PTPRD: variants seen among roughly 807,000 people sequenced by gnomAD.
The protein encoded by PTPRD is receptor-type tyrosine-protein phosphatase delta.
A neutral mutation model predicts 214.5 loss-of-function variants in PTPRD; 34 were observed. The ratio of observed to expected loss-of-function variants is 0.16; its 90% CI spans 0.12 to 0.21. PTPRD has a LOEUF of 0.21. PTPRD is among the 10% of genes least tolerant of loss of function. PTPRD has a pLI of 1.00. For synonymous variants in PTPRD, 1,128 were observed against 845.7 expected, an observed-to-expected ratio of 1.33 and a Z score of -5.79; for missense variants, 2,545 against 2,398.7, an observed-to-expected ratio of 1.06 and a Z score of -1.27.
chr9:8,358,333 T>A (rs570628457), intron 39 of PTPRD, among the ~76,000 whole-genome samples: 1 of 152,302 alleles, frequency 6.6e-6, no homozygotes, highest in Non-Finnish European at 1.5e-5. Flanking sequence ...TAAACATAAT[T>A]TAAAGTCCTG....
rs138354910 is a variant in PTPRD at position 8,837,882 on chromosome 9, AAGAAG to A, written c.-103-103941_-103-103937del. On this transcript the variant is annotated intron_variant, in intron 11 of 45. Coordinates refer to ENST00000381196, the MANE Select transcript of PTPRD (RefSeq NM_002839.4). ...TTTGTTTGCCTGTTTTATAAGAGAA[AAGAAG>A]AGATTTCCCAGTATAATAAAAGTTG... Among the ~76,000 whole-genome samples the A allele has an allele frequency of 9.8e-3, 1,485 of 152,306 alleles. 25 individuals carry two copies. The highest frequency in any genetic ancestry group is 0.034 in the African/African-American group (1,431 of 41,570).
chr9:8,986,446 T>C (rs2099345570), intron 11 of PTPRD, among the ~76,000 whole-genome samples: 1 of 151,850 alleles, frequency 6.6e-6, no homozygotes, highest in Non-Finnish European at 1.5e-5. Context: ...AATATATATA[T>C]TATATGCATA....
intron 4 of PTPRD, among the ~76,000 whole-genome samples, chr9:10,011,692 C>T (rs553533212): frequency 1.3e-5 from 2 of 152,052 alleles, no homozygotes; most frequent in South Asian, 4.1e-4. Context: ...GAACTCTGGA[C>T]ATTTGTGGAT....
At chr9:8,505,352 G>A (rs1464725815) in intron 22 of PTPRD, among the ~76,000 whole-genome samples, 1 of 152,114 alleles carries the variant, frequency 6.6e-6, no homozygotes, top group Non-Finnish European at 1.5e-5. Flanking sequence ...GCCGGGCACG[G>A]TGGCTCACGC....
At chr9:9,039,986 T>C (rs933723163) in intron 10 of PTPRD, among the ~76,000 whole-genome samples, 1 of 151,864 alleles carries the variant, frequency 6.6e-6, no homozygotes, top group Non-Finnish European at 1.5e-5. Context: ...TGTGCATTTT[T>C]TTTTTTCTGG....
Position 8,315,582 on chromosome 9 carries a change from G to T in PTPRD, c.*2292C>A. On this transcript the variant is annotated 3_prime_UTR_variant, in exon 46 of 46. Coordinates refer to ENST00000381196, the MANE Select transcript of PTPRD (RefSeq NM_002839.4). ...CACATTCTTCTCTGGTTCTGATGTA[G>T]GTTAGAGAGTCTCATTCTGAGGTAG... 4.3e-6 allele frequency: 1 copy of T among 230,658 alleles called. No individual in the cohort carries two copies. Among genetic ancestry groups the T allele is most frequent in the South Asian group, 1.8e-4 (1 of 5,486 alleles). The allele number at this position is 230,658 out of a possible 1,614,324, so 14.3% of individuals were successfully genotyped here. A position where few individuals can be genotyped will look rare whatever the true frequency, so the allele number is the denominator to read the frequency against.
At chr9:9,845,122 ATATATAGAGCAATATATATATATATT>A (rs1454912577) in intron 5 of PTPRD, among the ~76,000 whole-genome samples, 17 of 87,184 alleles carry the variant, frequency 1.9e-4, no homozygotes, top group African/African-American at 7.3e-4. Context: ...ATATTGCTCT[ATATATAGAGCAATATATATATATATT>A]GCTCTATATA....
At chr9:8,733,000 T>G (rs941519403) in intron 12 of PTPRD, among the ~76,000 whole-genome samples, 4 of 151,956 alleles carry the variant, frequency 2.6e-5, no homozygotes, top group Non-Finnish European at 5.9e-5. Context: ...TGTCAGGGAG[T>G]ACAAGGCCGA....
intron 11 of PTPRD, among the ~76,000 whole-genome samples, chr9:8,798,865 T>G (rs1423565119): frequency 1.3e-5 from 2 of 152,140 alleles, no homozygotes; most frequent in Non-Finnish European, 2.9e-5. Context: ...AGTATCTAGG[T>G]CCTAGTCTCA....
At chr9:8,850,675 A>T (rs2097791839) in intron 11 of PTPRD, among the ~76,000 whole-genome samples, 1 of 152,238 alleles carries the variant, frequency 6.6e-6, no homozygotes, top group South Asian at 2.1e-4. Context: ...TTTTAAAATA[A>T]GACATAAATC....
chr9:10,492,064 T>C (rs1353288039), intron 2 of PTPRD, among the ~76,000 whole-genome samples: 1 of 152,140 alleles, frequency 6.6e-6, no homozygotes, highest in Non-Finnish European at 1.5e-5. Flanking sequence ...TATGGCTGCA[T>C]AGTATTCCAT....
At chr9:9,626,372 G>C (rs1458933435) in intron 7 of PTPRD, among the ~76,000 whole-genome samples, 1 of 152,118 alleles carries the variant, frequency 6.6e-6, no homozygotes. Context: ...TCAGCAGCCA[G>C]CATAGTGCCT....
At chr9:9,948,827 T>C (rs985605172) in intron 4 of PTPRD, among the ~76,000 whole-genome samples, 6 of 152,034 alleles carry the variant, frequency 3.9e-5, no homozygotes, top group African/African-American at 9.7e-5. Flanking sequence ...GCAAAAAAGA[T>C]TGAGTAGAGA....
intron 3 of PTPRD, among the ~76,000 whole-genome samples, chr9:10,083,570 A>T (rs1335802771): frequency 6.6e-6 from 1 of 152,042 alleles, no homozygotes; most frequent in Non-Finnish European, 1.5e-5. Context: ...AACTTAATAT[A>T]TAAATGCAAA....
intron 14 of PTPRD, among the ~76,000 whole-genome samples, chr9:8,617,045 T>A (rs1327090680): frequency 6.6e-6 from 1 of 152,114 alleles, no homozygotes; most frequent in Non-Finnish European, 1.5e-5. Context: ...CTATAACTGT[T>A]GTCCAAAATA....
intron 35 of PTPRD, among the ~76,000 whole-genome samples, chr9:8,406,037 A>C (rs1352576366): frequency 6.6e-6 from 1 of 152,160 alleles, no homozygotes; most frequent in Non-Finnish European, 1.5e-5. Flanking sequence ...AGGATTATTA[A>C]ACTGTTTTCC....
chr9:9,236,333 C>T (rs2099966701), intron 9 of PTPRD, among the ~76,000 whole-genome samples: 1 of 151,920 alleles, frequency 6.6e-6, no homozygotes, highest in Non-Finnish European at 1.5e-5. Context: ...ATTTCTGATA[C>T]CTATGGGAAA....
intron 35 of PTPRD, among the ~76,000 whole-genome samples, chr9:8,427,683 T>G (rs780028302): frequency 2.0e-5 from 3 of 150,112 alleles, no homozygotes; most frequent in Admixed American, 6.6e-5. Context: ...TTGTTATGAT[T>G]ATTATTATTA....
At chr9:10,349,828 T>A (rs531885658) in intron 2 of PTPRD, among the ~76,000 whole-genome samples, 1 of 152,082 alleles carries the variant, frequency 6.6e-6, no homozygotes, top group African/African-American at 2.4e-5. Flanking sequence ...CCCCAGCTAA[T>A]TTTTTGTATT....
Sources: gnomAD v4.1 joint callset for allele counts (sites outside exome capture counted in the v4.1 genomes callset) on GRCh38, gnomAD v4.1.1 for gene constraint, MANE v1.5 for transcripts, NCBI Gene and HGNC (gene_info 2026-07-23, HGNC 2026-07-21) for gene names.